Variants in CXADR observed in about 807,000 individuals in gnomAD.
CXADR encodes the protein CXADR cell adhesion molecule.
A neutral mutation model predicts 40.3 loss-of-function variants in CXADR; 20 were observed. That is an observed-to-expected ratio of 0.50 (90% CI 0.35 to 0.72). The LOEUF (loss-of-function observed/expected upper bound fraction) is 0.72. Among genes scored for constraint, CXADR ranks in the 30% least tolerant of loss-of-function variants. CXADR has a pLI of 0.01. For synonymous variants in CXADR, 150 were observed against 161.3 expected (o/e 0.93, Z 0.53); for missense variants, 332 against 449.1 (o/e 0.74, Z 2.36).
intron 7 of CXADR, among the ~76,000 whole-genome samples, chr21:17,592,395 T>C (rs567919201): frequency 9.1e-6 from 1 of 110,354 alleles, no homozygotes; most frequent in Non-Finnish European, 1.8e-5. Context: ...ATTTTAAAAT[T>C]TGTATTTTTT....
chr21:17,619,245 C>T, the CXADR span, among the ~76,000 whole-genome samples: 1 of 152,064 alleles, frequency 6.6e-6, no homozygotes, highest in Non-Finnish European at 1.5e-5. Flanking sequence ...CCAGGCTGGG[C>T]GCAATGCCTC....
chr21:17,575,010 T>C (rs1009356974), downstream of CXADR, among the ~76,000 whole-genome samples: 112 of 143,204 alleles, frequency 7.8e-4, 4 homozygotes, highest in East Asian at 0.019. Flanking sequence ...CATACATACA[T>C]ACATACATAC....
At chr21:17,533,619 T>C (rs1477130589) in intron 1 of CXADR, among the ~76,000 whole-genome samples, 4 of 152,172 alleles carry the variant, frequency 2.6e-5, no homozygotes, top group African/African-American at 9.6e-5. Context: ...GGAGTTGTTA[T>C]GAGAATGGAA....
downstream of CXADR, among the ~76,000 whole-genome samples, chr21:17,573,706 C>T (rs150291620): frequency 7.2e-5 from 11 of 152,128 alleles, no homozygotes; most frequent in South Asian, 2.1e-4. Flanking sequence ...GCCAGCAGTT[C>T]GAGACCAGCC....
intron 7 of CXADR, among the ~76,000 whole-genome samples, chr21:17,590,882 A>T (rs539733642): frequency 2.0e-5 from 3 of 152,148 alleles, no homozygotes; most frequent in Admixed American, 2.0e-4. Context: ...TGTTTATTGC[A>T]ATTTAATTTC....
rs2123240104 is a variant in CXADR, at chr21:17,545,696, T to G, written c.44-1331T>G. Among the ~76,000 whole-genome samples the G allele has an allele frequency of 1.3e-5, 2 of 152,190 alleles. 1 individual carries two copies. The highest frequency in any genetic ancestry group is 6.8e-3 in the Middle Eastern group (2 of 294). ...TTATAAAATAAAATAAATGTGATTA[T>G]TGGCTTTTTCAGAAGGGAAATAAAA... On this transcript the variant is annotated intron_variant, in intron 1 of 6. Transcript: ENST00000284878.
intron 3 of CXADR, among the ~76,000 whole-genome samples, chr21:17,558,541 G>T (rs1031173885): frequency 6.6e-6 from 1 of 152,170 alleles, no homozygotes; most frequent in Non-Finnish European, 1.5e-5. Flanking sequence ...CTGCCTGATT[G>T]TCAGGGTTAT....
intron 7 of CXADR, among the ~76,000 whole-genome samples, chr21:17,589,282 T>A (rs1377343930): frequency 1.3e-5 from 2 of 152,086 alleles, no homozygotes; most frequent in African/African-American, 4.8e-5. Context: ...ACATTGCAAT[T>A]GTTTAATTCA....
chr21:17,605,207 C>G, the CXADR span: 1 of 491,416 alleles, frequency 2.0e-6, no homozygotes, highest in Non-Finnish European at 3.5e-6. Flanking sequence ...CTATGTGAGC[C>G]CAAGGAAATC....
At chr21:17,612,187 A>C in the CXADR span, 278 of 152,418 alleles carry the variant, frequency 1.8e-3, no homozygotes, top group Admixed American at 2.9e-3. Context: ...GTTCAAGGGG[A>C]AGGGCCCTGG....
chr21:17,531,077 A>G (rs1049476785), intron 1 of CXADR, among the ~76,000 whole-genome samples: 1 of 152,126 alleles, frequency 6.6e-6, no homozygotes, highest in Non-Finnish European at 1.5e-5. Flanking sequence ...AGGTGGGTGG[A>G]TCACGAGGTC....
chr21:17,606,357 C>T, the CXADR span, among the ~76,000 whole-genome samples: 12 of 152,196 alleles, frequency 7.9e-5, no homozygotes, highest in African/African-American at 2.6e-4. Context: ...CCTGTATATA[C>T]GTACCTATCT....
chr21:17,608,990 G>C, the CXADR span: 4 of 1,613,242 alleles, frequency 2.5e-6, no homozygotes, highest in East Asian at 4.5e-5. Flanking sequence ...CTGTCCTTTC[G>C]ATGGTTTTTC....
chr21:17,514,507 CT>C (rs887465775), intron 1 of CXADR, among the ~76,000 whole-genome samples: 30 of 145,998 alleles, frequency 2.1e-4, no homozygotes, highest in Non-Finnish European at 3.8e-4. Context: ...TCTTTTTTTT[CT>C]TTTTTTTGTC....
intron 7 of CXADR, among the ~76,000 whole-genome samples, chr21:17,587,950 A>G (rs1031155911): frequency 2.6e-5 from 4 of 152,122 alleles, no homozygotes; most frequent in African/African-American, 4.8e-5. Flanking sequence ...CTTTCTATAT[A>G]TGGCTAGCCA....
chr21:17,557,754 A>T, intron 3 of CXADR, among the ~76,000 whole-genome samples: 1 of 21,094 alleles, frequency 4.7e-5, no homozygotes, highest in East Asian at 3.4e-3. Context: ...TTCCAGAAGA[A>T]GAGCTAATCT....
At chr21:17,579,306 A>G (rs529220466) in intron 7 of CXADR, among the ~76,000 whole-genome samples, 57 of 147,488 alleles carry the variant, frequency 3.9e-4, no homozygotes, top group African/African-American at 1.4e-3. Context: ...TTTTTTTGAG[A>G]TGGAGTCTCA....
chr21:17,633,838 A>G, the CXADR span, among the ~76,000 whole-genome samples: 4 of 152,194 alleles, frequency 2.6e-5, no homozygotes, highest in African/African-American at 9.7e-5. Context: ...TGCCTTATGA[A>G]GAAGGTATTT....
the CXADR span, chr21:17,627,188 C>G: frequency 6.6e-6 from 1 of 152,200 alleles, no homozygotes; most frequent in Non-Finnish European, 1.5e-5. Context: ...GAAACCCCAT[C>G]TCTACTAAAA....
Sources: allele counts gnomAD v4.1 joint callset (sites outside exome capture counted in the v4.1 genomes callset), GRCh38; gene constraint gnomAD v4.1.1; transcripts MANE v1.5; gene names NCBI Gene and HGNC (gene_info 2026-07-23, HGNC 2026-07-21).